PTGIR: variants seen among roughly 807,000 people sequenced by gnomAD.
The protein encoded by PTGIR is prostaglandin I2 receptor, also known as prostacyclin receptor.
In PTGIR, 16 loss-of-function variants were observed where a neutral mutation model predicts 17.6. The ratio of observed to expected loss-of-function variants is 0.91; its 90% CI spans 0.61 to 1.38. The LOEUF (loss-of-function observed/expected upper bound fraction) is 1.38. Among genes scored for constraint, PTGIR ranks in the 40% most tolerant of loss-of-function variants. The probability of loss-of-function intolerance (pLI) is 0.00; values close to 1 mark genes in which losing one functional copy is unlikely to be tolerated. For synonymous variants in PTGIR, 274 were observed against 255.4 expected (o/e 1.07, Z -0.69); for missense variants, 532 against 548.6 (o/e 0.97, Z 0.30).
the PTGIR span, among the ~76,000 whole-genome samples, chr19:46,613,220 T>G: frequency 5.3e-5 from 8 of 150,848 alleles, no homozygotes; most frequent in East Asian, 3.9e-4. Flanking sequence ...ATTTTTGTAT[T>G]TTGGTAGAAA....
At chr19:46,623,270 T>C in intron 2 of PTGIR, 188 bp downstream of exon 2, 1 of 646,026 alleles carries the variant, frequency 1.5e-6, no homozygotes, top group Non-Finnish European at 2.4e-6. Context: ...GTGCTGGGAT[T>C]ACAGGTGTGA....
the PTGIR span, among the ~76,000 whole-genome samples, chr19:46,613,310 G>T: frequency 6.6e-6 from 1 of 150,716 alleles, no homozygotes; most frequent in Non-Finnish European, 1.5e-5. Context: ...CTCCCAAAGT[G>T]CTGGGATGCC....
chr19:46,619,575 G>A (rs59054398), downstream of PTGIR, among the ~76,000 whole-genome samples: 6,345 of 101,122 alleles, frequency 0.063, 329 homozygotes, highest in Middle Eastern at 0.095. Flanking sequence ...GAGAGAGAGA[G>A]AGAGAGAGAA....
At chr19:46,618,014 ATT>A (rs56961349), downstream of PTGIR, among the ~76,000 whole-genome samples, 106 of 112,726 alleles carry the variant, frequency 9.4e-4, 1 homozygote, top group South Asian at 1.2e-3. Flanking sequence ...AATTTTTGTA[ATT>A]TTTTTTTTTT....
chr19:46,615,572 C>G (rs1172663657), downstream of PTGIR, among the ~76,000 whole-genome samples: 1 of 152,126 alleles, frequency 6.6e-6, no homozygotes, highest in Non-Finnish European at 1.5e-5. Flanking sequence ...GTAGTGTGAT[C>G]TTGGCTCACT....
At chr19:46,616,306 G>A (rs932877985), downstream of PTGIR, among the ~76,000 whole-genome samples, 4 of 143,402 alleles carry the variant, frequency 2.8e-5, no homozygotes, top group African/African-American at 1.1e-4. Flanking sequence ...CAAGTTGGAG[G>A]TGTAAGCACG....
chr19:46,619,497 A>AAAAGAAAGAAAGAAAGAAAG (rs1176986063), downstream of PTGIR, among the ~76,000 whole-genome samples: 16 of 110,566 alleles, frequency 1.4e-4, no homozygotes, highest in East Asian at 2.6e-4. Flanking sequence ...TCTGTCTCAA[A>AAAAGAAAGAAAGAAAGAAAG]AAAGAAAGAA....
chr19:46,624,485 C>A, intron 1 of PTGIR: 1 of 399,412 alleles, frequency 2.5e-6, no homozygotes, highest in Non-Finnish European at 4.4e-6. Context: ...GACAGAGTCT[C>A]ACTCTGTTGT....
downstream of PTGIR, among the ~76,000 whole-genome samples, chr19:46,619,543 AAGAAAGAGAGAGAGAGAG>A (rs1460704688): frequency 3.9e-4 from 27 of 68,704 alleles, 1 homozygote; most frequent in South Asian, 1.1e-3. Context: ...GAAAGAAAGA[AAGAAAGAGAGAGAGAGAG>A]AGAGAGAGAG....
the PTGIR span, among the ~76,000 whole-genome samples, chr19:46,613,470 G>A: frequency 6.6e-6 from 1 of 151,112 alleles, no homozygotes; most frequent in Non-Finnish European, 1.5e-5. Flanking sequence ...CTGAATAGCT[G>A]GGATCACAGG....
downstream of PTGIR, among the ~76,000 whole-genome samples, chr19:46,620,278 T>C (rs555625129): frequency 8.8e-3 from 1,341 of 152,252 alleles, 54 homozygotes; most frequent in Admixed American, 0.062. Flanking sequence ...TTTTAAAATT[T>C]TTTTGTAGAG....
Position 46,623,808 on chromosome 19 carries a change from G to A in PTGIR, c.418C>T (p.Leu140=). The change falls in exon 2 of 3, where the codon CTG becomes TTG. Residue 140 remains leucine, a synonymous_variant. Coordinates refer to ENST00000291294, the MANE Select transcript of PTGIR (RefSeq NM_000960.4). The part of the protein sequence containing the change: ...LDGPRCARLA[L]PAIYAFCVLF... ...ACGCAGAAGGCGTAGATGGCTGGCAGCGCCAGGCGGGCGCAGCGGGGCCCG... is the reference window on the plus strand; with the variant it reads ...ACGCAGAAGGCGTAGATGGCTGGCAACGCCAGGCGGGCGCAGCGGGGCCCG... 1.2e-6 allele frequency: 2 copies of A among 1,608,278 alleles called. No homozygotes were observed. Among genetic ancestry groups the A allele is most frequent in the Non-Finnish European group, 1.7e-6 (2 of 1,178,422 alleles).
At chr19:46,619,547 A>AG (rs1972015587), downstream of PTGIR, among the ~76,000 whole-genome samples, 27 of 87,916 alleles carry the variant, frequency 3.1e-4, no homozygotes, top group South Asian at 1.2e-3. Context: ...GAAAGAAAGA[A>AG]AGAGAGAGAG....
At chr19:46,614,865 A>G in the PTGIR span, among the ~76,000 whole-genome samples, 1 of 152,244 alleles carries the variant, frequency 6.6e-6, no homozygotes, top group Non-Finnish European at 1.5e-5. Context: ...TACTAAAAAT[A>G]CAAAAATTAG....
chr19:46,613,575 G>T, the PTGIR span, among the ~76,000 whole-genome samples: 1 of 151,994 alleles, frequency 6.6e-6, no homozygotes, highest in South Asian at 2.1e-4. Flanking sequence ...CAGGCAGTCC[G>T]CCCGCCTCGG....
At position 46,623,510 on chromosome 19, in the gene PTGIR, A is replaced by ATC. The variant is rs922671806; in HGVS notation, c.714_715dup (p.Ile239ArgfsTer7). The ATC allele has an allele frequency of 1.9e-6, 3 of 1,578,418 alleles. No individual in the cohort carries two copies. The highest frequency in any genetic ancestry group is 2.6e-6 in the Non-Finnish European group (3 of 1,161,870). ...GACCACTGTCATGAGGGCCAGCAGG[A>ATC]TCAGGTGGTCCACCTCGTCCTCTCC... On this transcript the variant is annotated frameshift_variant, in exon 2 of 3. Transcript: ENST00000291294. LOFTEE classifies it high-confidence loss of function.
downstream of PTGIR, among the ~76,000 whole-genome samples, chr19:46,619,479 A>G (rs546217347): frequency 1.3e-5 from 2 of 148,694 alleles, no homozygotes; most frequent in East Asian, 4.0e-4. Context: ...TGGGTGACAG[A>G]GTGATATTCT....
the PTGIR span, among the ~76,000 whole-genome samples, chr19:46,611,466 G>A: frequency 1.3e-5 from 2 of 152,358 alleles, no homozygotes; most frequent in East Asian, 3.9e-4. Context: ...GGAGGGCACG[G>A]GACTCAGTGT....
Position 46,621,997 on chromosome 19 carries a change from CT to C in PTGIR, c.769-326del. The C allele has an allele frequency of 1.0e-6, 1 of 985,420 alleles. No individual in the cohort carries two copies. Among genetic ancestry groups the C allele is most frequent in the Non-Finnish European group, 1.2e-6 (1 of 829,932 alleles). The allele number at this position is 985,420 out of a possible 1,614,324, so 61.0% of individuals were successfully genotyped here. The stretch of plus-strand genomic sequence containing the variant: ...AGGTGGCGCCACCCGGCTGGGCCCC[CT>C]GAAACTGCCGCAGAGCTGCGGTGGT... On this transcript the variant is annotated intron_variant, in intron 2 of 2. Transcript: ENST00000291294. This position sits in a 1 kb window ranked among gnomAD's most constrained non-coding sequence, Gnocchi z 4.8.
Sources: allele counts gnomAD v4.1 joint callset (sites outside exome capture counted in the v4.1 genomes callset), GRCh38; gene constraint gnomAD v4.1.1; non-coding constraint Gnocchi (gnomAD v3.1); transcripts MANE v1.5; gene names NCBI Gene and HGNC (gene_info 2026-07-23, HGNC 2026-07-21).